The following DYRK4 variants were observed in gnomAD, a reference collection of about 807,000 sequenced individuals.
DYRK4 encodes the protein dual specificity tyrosine phosphorylation regulated kinase 4.
In DYRK4, 64 loss-of-function variants were observed where a neutral mutation model predicts 68.3. The observed-to-expected ratio is 0.94, with a 90% CI of 0.77 to 1.15. The LOEUF (loss-of-function observed/expected upper bound fraction) is 1.15. Among genes scored for constraint, DYRK4 ranks in the 50% most tolerant of loss-of-function variants. The probability of loss-of-function intolerance (pLI) is 0.00; values close to 1 mark genes in which losing one functional copy is unlikely to be tolerated. For synonymous variants in DYRK4, 274 were observed against 289.9 expected (o/e 0.95, Z 0.56); for missense variants, 740 against 764.7 (o/e 0.97, Z 0.38).
chr12:4,607,505 T>C, intron 12 of DYRK4, 118 bp downstream of exon 12: 1 of 1,130,720 alleles, frequency 8.8e-7, no homozygotes. Context: ...TAAGAGCGTC[T>C]TTCAGAGAAG....
chr12:4,590,615 T>G (rs1167913492), intron 4 of DYRK4, 175 bp downstream of exon 4: 1 of 1,311,720 alleles, frequency 7.6e-7, no homozygotes, highest in Non-Finnish European at 9.7e-7. Context: ...AATAAGTCCT[T>G]GACCTTTTCT....
At chr12:4,603,273 G>C (rs1163214516) in intron 10 of DYRK4, 3 of 891,276 alleles carry the variant, frequency 3.4e-6, no homozygotes, top group African/African-American at 3.3e-5. Flanking sequence ...TTTAAGTCTT[G>C]GTTAATATTC....
At chr12:4,576,161 C>T (rs879674214) in intron 2 of DYRK4, among the ~76,000 whole-genome samples, 2 of 152,172 alleles carry the variant, frequency 1.3e-5, no homozygotes, top group Non-Finnish European at 2.9e-5. Context: ...AAAAATACCC[C>T]ATTGTCCATC....
intron 2 of DYRK4, among the ~76,000 whole-genome samples, chr12:4,583,326 C>T (rs2137347015): frequency 6.6e-6 from 1 of 151,996 alleles, no homozygotes; most frequent in South Asian, 2.1e-4. Context: ...TTTGCTCCTG[C>T]TCTGTTTCTG....
chr12:4,562,275 C>CG lies in DYRK4; in HGVS notation c.32dup (p.Thr12AsnfsTer8). Reference sequence around the variant, plus strand: ...AGCTCCTCCCGCCGCCTATCCGCACCGGAACAAAGTAAGGGCCGCGGAGGC... The same window carrying CG: ...AGCTCCTCCCGCCGCCTATCCGCACCGGGAACAAAGTAAGGGCCGCGGAGGC... On this transcript the variant is annotated frameshift_variant, in exon 1 of 15. Transcript: ENST00000543431. LOFTEE classifies it high-confidence loss of function. 6.5e-7 allele frequency: 1 copy of CG among 1,532,384 alleles called. No individual in the cohort carries two copies. The highest frequency in any genetic ancestry group is 1.2e-5 in the South Asian group (1 of 83,558). 94.9% of individuals were successfully genotyped at this position (1,532,384 alleles called of 1,614,324 possible). A position where few individuals can be genotyped will look rare whatever the true frequency, so the allele number is the denominator to read the frequency against.
chr12:4,606,418 A>G (rs1156521243), intron 11 of DYRK4, among the ~76,000 whole-genome samples: 1 of 152,212 alleles, frequency 6.6e-6, no homozygotes, highest in Non-Finnish European at 1.5e-5. Flanking sequence ...ATGACTAAAC[A>G]TAGATAATTT....
intron 2 of DYRK4, among the ~76,000 whole-genome samples, chr12:4,584,745 C>G (rs772151684): frequency 6.6e-6 from 1 of 151,750 alleles, no homozygotes; most frequent in South Asian, 2.1e-4. Context: ...TTAGTAGAGA[C>G]GGGGTTTCAT....
chr12:4,574,881 CT>C lies in DYRK4; in HGVS notation c.132+6834del, dbSNP rs369593513. 5.4e-3 allele frequency among the ~76,000 whole-genome samples: 818 copies of C among 152,260 alleles called. 11 individuals are homozygous for C. The highest frequency in any genetic ancestry group is 0.019 in the African/African-American group (777 of 41,546). On this transcript the variant is annotated intron_variant, in intron 2 of 14. Coordinates refer to ENST00000543431, the MANE Select transcript of DYRK4 (RefSeq NM_001394779.1). ...TACAGGTGCACGCCACCATGCCCAA[CT>C]AATTTGTGTATTTTTAGTAGAAATG...
chr12:4,572,192 A>G (rs1238244755), intron 2 of DYRK4, among the ~76,000 whole-genome samples: 1 of 152,236 alleles, frequency 6.6e-6, no homozygotes, highest in Non-Finnish European at 1.5e-5. Flanking sequence ...GGAACTGAAT[A>G]GACCAGTGGT....
In DYRK4 at chr12:4,599,111, TG is replaced by T; in HGVS notation, c.990del (p.Lys331SerfsTer8). ...SIVRRFTLSVLKCLQMLSVEK... is the reference protein window; with the variant it reads ...SIVRRFTLSVXKCLQMLSVEK... ...GTTCGGCGCTTCACTCTCTCTGTTTTGAAGTGCTTGCAGATGCTTTCGGTAG... is the reference window on the plus strand; with the variant it reads ...GTTCGGCGCTTCACTCTCTCTGTTTTAAGTGCTTGCAGATGCTTTCGGTAG... On this transcript the variant is annotated frameshift_variant, in exon 9 of 15. Coordinates refer to ENST00000543431, the MANE Select transcript of DYRK4 (RefSeq NM_001394779.1). LOFTEE classifies it high-confidence loss of function. 6.2e-7 allele frequency: 1 copy of T among 1,614,144 alleles called. No individual in the cohort carries two copies.
At chr12:4,602,723 A>G (rs1945095375) in intron 10 of DYRK4, 1 of 1,502,330 alleles carries the variant, frequency 6.7e-7, no homozygotes. Context: ...TGACTCTTCA[A>G]TGTCTTGTAA....
intron 2 of DYRK4, 47 bp downstream of exon 2, chr12:4,568,095 G>C: frequency 6.7e-7 from 1 of 1,493,786 alleles, no homozygotes; most frequent in Non-Finnish European, 9.0e-7. Flanking sequence ...ATCATTGCGA[G>C]GTCCTAGGGA....
intron 2 of DYRK4, among the ~76,000 whole-genome samples, chr12:4,588,569 T>C (rs1184102296): frequency 1.3e-5 from 2 of 152,202 alleles, no homozygotes; most frequent in Non-Finnish European, 2.9e-5. Flanking sequence ...GCGAAAAGAC[T>C]TCCAGGCAAG....
At chr12:4,571,754 ATCTATT>A (rs1944732882) in intron 2 of DYRK4, among the ~76,000 whole-genome samples, 1 of 152,218 alleles carries the variant, frequency 6.6e-6, no homozygotes, top group Non-Finnish European at 1.5e-5. Flanking sequence ...AATTAATTTC[ATCTATT>A]TCTTTTTACC....
chr12:4,573,954 A>G (rs952186314), intron 2 of DYRK4, among the ~76,000 whole-genome samples: 4 of 152,130 alleles, frequency 2.6e-5, no homozygotes, highest in Non-Finnish European at 5.9e-5. Context: ...GGCCCCGCGC[A>G]GTGGCTCACG....
Position 4,564,280 on chromosome 12 carries a change from C to T in DYRK4, c.38+1997C>T, listed in dbSNP as rs550622635. The T allele has an allele frequency of 6.2e-4, 94 of 151,826 alleles. 1 individual carries two copies. The highest frequency in any genetic ancestry group is 1.1e-3 in the Non-Finnish European group (77 of 67,970). The allele number at this position is 151,826 out of a possible 1,614,324, so 9.4% of individuals were successfully genotyped here. On this transcript the variant is annotated intron_variant, in intron 1 of 14. Transcript: ENST00000543431. ...AGTAGAGAATAATTTGAAGCCCTGA[C>T]TTGATTATATATTATATAAATATAA...
chr12:4,572,395 C>A (rs1944739598), intron 2 of DYRK4, among the ~76,000 whole-genome samples: 1 of 152,202 alleles, frequency 6.6e-6, no homozygotes, highest in African/African-American at 2.4e-5. Context: ...CATTCTCCTG[C>A]CTCAGCCTCC....
At chr12:4,608,456 C>A (rs148122810) in intron 12 of DYRK4, among the ~76,000 whole-genome samples, 1 of 152,120 alleles carries the variant, frequency 6.6e-6, no homozygotes, top group African/African-American at 2.4e-5. Context: ...AAAACACTCT[C>A]GTGGGGAGAT....
intron 8 of DYRK4, among the ~76,000 whole-genome samples, chr12:4,598,483 A>G (rs1172067675): frequency 6.6e-6 from 1 of 152,230 alleles, no homozygotes; most frequent in Non-Finnish European, 1.5e-5. Context: ...GCCACCCTAG[A>G]GAATTTAAGA....
Sources: gnomAD v4.1 joint callset for allele counts (sites outside exome capture counted in the v4.1 genomes callset) on GRCh38, gnomAD v4.1.1 for gene constraint, MANE v1.5 for transcripts, NCBI Gene and HGNC (gene_info 2026-07-23, HGNC 2026-07-21) for gene names.